Variants in SND1 observed in about 807,000 individuals in gnomAD.
SND1 encodes the protein staphylococcal nuclease and tudor domain containing 1.
SND1 carries 38 observed loss-of-function variants against 121.7 expected under a neutral mutation model. The observed-to-expected ratio is 0.31, with a 90% confidence interval of 0.24 to 0.41. The LOEUF (loss-of-function observed/expected upper bound fraction) is 0.41, where lower values mean the gene tolerates loss of function less well. Ranked by LOEUF, SND1 falls within the 10% of genes least tolerant of loss-of-function variation. The pLI is 1.00. For missense variants in SND1, 868 were observed against 1,184.6 expected (o/e 0.73, Z 3.92); for synonymous variants, 401 against 447.4 (o/e 0.90, Z 1.31).
At chr7:127,824,591 C>T (rs1036794933) in intron 11 of SND1, among the ~76,000 whole-genome samples, 3 of 152,150 alleles carry the variant, frequency 2.0e-5, no homozygotes, top group Non-Finnish European at 2.9e-5. Flanking sequence ...GTCCCAATTA[C>T]TTTATCTTTT....
chr7:127,819,563 T>A (rs1170389950), intron 11 of SND1, among the ~76,000 whole-genome samples: 1 of 152,154 alleles, frequency 6.6e-6, no homozygotes. Flanking sequence ...GGCCCCACCT[T>A]GTAGGATGGG....
rs2116968066 is a variant in SND1 at position 128,023,700 on chromosome 7, C to T, written c.1779+32644C>T. On this transcript the variant is annotated intron_variant, in intron 16 of 23. Coordinates refer to ENST00000354725, the MANE Select transcript of SND1 (RefSeq NM_014390.4). Reference sequence around the variant, plus strand: ...TCATCATCCTTCTTCTCTGGAGTAGCACAATAGGCATGTCTCTCTTTGGAC... The same window carrying T: ...TCATCATCCTTCTTCTCTGGAGTAGTACAATAGGCATGTCTCTCTTTGGAC... Among the ~76,000 whole-genome samples the T allele has an allele frequency of 1.3e-5, 2 of 152,224 alleles. 1 individual carries two copies. Among genetic ancestry groups the T allele is most frequent in the South Asian group, 4.2e-4 (2 of 4,814 alleles).
chr7:127,876,214 A>T (rs527863064), intron 12 of SND1, among the ~76,000 whole-genome samples: 1 of 152,128 alleles, frequency 6.6e-6, no homozygotes, highest in South Asian at 2.1e-4. Context: ...ATTTCTAAAA[A>T]AGTTTTCTGT....
At chr7:127,693,974 A>G (rs1795965657) in intron 2 of SND1, among the ~76,000 whole-genome samples, 1 of 152,170 alleles carries the variant, frequency 6.6e-6, no homozygotes, top group African/African-American at 2.4e-5. Context: ...TTATCTTGAG[A>G]TGACATGGAG....
chr7:127,672,201 C>T (rs576882065), intron 1 of SND1, among the ~76,000 whole-genome samples: 29 of 151,954 alleles, frequency 1.9e-4, no homozygotes, highest in Non-Finnish European at 3.4e-4. Flanking sequence ...TCTGCAGATA[C>T]GGTATCCCAT....
At chr7:127,804,130 C>G (rs999598840) in intron 10 of SND1, among the ~76,000 whole-genome samples, 5 of 152,224 alleles carry the variant, frequency 3.3e-5, no homozygotes, top group Admixed American at 2.6e-4. Flanking sequence ...CCATACCTCA[C>G]TTGCCTCTTG....
At chr7:127,904,272 G>A (rs1483283237) in intron 13 of SND1, 3 of 153,932 alleles carry the variant, frequency 1.9e-5, no homozygotes, top group Admixed American at 6.4e-5. Context: ...TTTCTCTACA[G>A]TATTGCTCCA....
chr7:127,660,503 GCA>G (rs970329980), intron 1 of SND1, among the ~76,000 whole-genome samples: 7 of 152,242 alleles, frequency 4.6e-5, no homozygotes, highest in African/African-American at 1.7e-4. Flanking sequence ...TCTATTTAAT[GCA>G]CAAGTACAAG....
rs1049614462 is a variant in SND1, at chr7:127,980,109, CT to C, written c.1670-10817del. Among the ~76,000 whole-genome samples the C allele has an allele frequency of 3.8e-4, 22 of 58,642 alleles. 2 individuals are homozygous for C. The highest frequency in any genetic ancestry group is 1.1e-3 in the East Asian group (4 of 3,746). The allele number at this position is 58,642 out of a possible 152,430, so 38.5% of individuals were successfully genotyped here. On this transcript the variant is annotated intron_variant, in intron 15 of 23. Coordinates refer to ENST00000354725, the MANE Select transcript of SND1 (RefSeq NM_014390.4). ...TATTTTATTTTATTTTATTCTTTTT[CT>C]TTTTTTTTTTTTTTTTTTTTGAGAC...
At chr7:128,021,722 G>A (rs1803353042) in intron 16 of SND1, among the ~76,000 whole-genome samples, 1 of 152,196 alleles carries the variant, frequency 6.6e-6, no homozygotes, top group Non-Finnish European at 1.5e-5. Flanking sequence ...TTAAGGAGTT[G>A]CCCTGGAGAG....
chr7:127,725,224 C>T (rs1347878757), intron 10 of SND1, among the ~76,000 whole-genome samples: 2 of 152,012 alleles, frequency 1.3e-5, no homozygotes, highest in African/African-American at 4.8e-5. Flanking sequence ...TCATTTACTA[C>T]GTACCAGCTG....
chr7:128,032,350 C>T (rs1383704528), intron 16 of SND1, among the ~76,000 whole-genome samples: 1 of 151,560 alleles, frequency 6.6e-6, no homozygotes, highest in Non-Finnish European at 1.5e-5. Context: ...CCTCCCCGCC[C>T]CCTCTAGACG....
chr7:128,020,411 C>T (rs368589316), intron 16 of SND1, among the ~76,000 whole-genome samples: 2 of 152,302 alleles, frequency 1.3e-5, no homozygotes, highest in East Asian at 1.9e-4. Flanking sequence ...TCAGCAATTG[C>T]GCTAGGTCGC....
intron 20 of SND1, chr7:128,086,513 C>A: frequency 3.7e-6 from 1 of 273,146 alleles, no homozygotes; most frequent in Non-Finnish European, 7.1e-6. Context: ...GGGCCAGAAC[C>A]ACAGGCAGGC....
In SND1 at chr7:127,938,228, C is replaced by T. The variant is rs62481451; in HGVS notation, c.1669+8899C>T. Among the ~76,000 whole-genome samples the T allele has an allele frequency of 3.0e-3, 460 of 152,212 alleles. 3 individuals carry two copies. The highest frequency in any genetic ancestry group is 0.01 in the Middle Eastern group (3 of 294). On this transcript the variant is annotated intron_variant, in intron 15 of 23. Transcript: ENST00000354725. ...CATGTCCGGGGATCCTGGAGAGTCA[C>T]TTACAGGAAAGAATTAACACAATGA...
intron 16 of SND1, among the ~76,000 whole-genome samples, chr7:128,056,795 G>A (rs1414204991): frequency 1.3e-5 from 2 of 152,038 alleles, no homozygotes; most frequent in Non-Finnish European, 2.9e-5. Flanking sequence ...TCCTACATAT[G>A]CATGCATATA....
chr7:127,886,297 T>G (rs1799906511), intron 12 of SND1, among the ~76,000 whole-genome samples: 1 of 151,590 alleles, frequency 6.6e-6, no homozygotes, highest in Admixed American at 6.6e-5. Flanking sequence ...CACATTTATT[T>G]TTTCTTCTTT....
At chr7:127,797,370 G>A (rs1035266693) in intron 10 of SND1, among the ~76,000 whole-genome samples, 2 of 152,182 alleles carry the variant, frequency 1.3e-5, no homozygotes, top group Admixed American at 1.3e-4. Flanking sequence ...CAAGGTTGAG[G>A]GCAGCTCTTT....
At chr7:127,955,117 A>T (rs1251509697) in intron 15 of SND1, among the ~76,000 whole-genome samples, 1 of 152,150 alleles carries the variant, frequency 6.6e-6, no homozygotes, top group African/African-American at 2.4e-5. Flanking sequence ...AACAGGGCAC[A>T]TGCAGCTTCT....
Sources: allele counts gnomAD v4.1 joint callset (sites outside exome capture counted in the v4.1 genomes callset), GRCh38; gene constraint gnomAD v4.1.1; transcripts MANE v1.5; gene names NCBI Gene and HGNC (gene_info 2026-07-23, HGNC 2026-07-21).